CCL28: variants seen among roughly 807,000 people sequenced by gnomAD.
The protein encoded by CCL28 is C-C motif chemokine ligand 28.
In CCL28, 4 loss-of-function variants were observed where a neutral mutation model predicts 7.1. That is an observed-to-expected ratio of 0.56 (90% CI 0.28 to 1.29). The LOEUF (loss-of-function observed/expected upper bound fraction) is 1.29. Among genes scored for constraint, CCL28 ranks in the 50% most tolerant of loss-of-function variants. The pLI, the probability that CCL28 is intolerant of heterozygous loss-of-function variation, is 0.11. For missense variants in CCL28, 151 were observed against 163.4 expected (o/e 0.92, Z 0.41); for synonymous variants, 55 against 57.8 (o/e 0.95, Z 0.22).
intron 1 of CCL28, among the ~76,000 whole-genome samples, chr5:43,394,020 CT>C (rs969277996): frequency 1.4e-4 from 21 of 152,062 alleles, no homozygotes; most frequent in Admixed American, 1.0e-3. Context: ...CTCAGTAATA[CT>C]TTTTTTTCTC....
rs186035152 is a variant in CCL28, at chr5:43,412,363, C to A, written c.-47G>T. On this transcript the variant is annotated 5_prime_UTR_variant, in exon 1 of 3. Transcript: ENST00000361115. Reference sequence around the variant, plus strand: ...TGACAGCAACACAAGTGAGGCTGTTCGATCAGGAAATGAGGCTAAAGGTGT... The same window carrying A: ...TGACAGCAACACAAGTGAGGCTGTTAGATCAGGAAATGAGGCTAAAGGTGT... 1.3e-6 allele frequency: 2 copies of A among 1,560,880 alleles called. No homozygotes were observed. Among genetic ancestry groups the A allele is most frequent in the Admixed American group, 1.7e-5 (1 of 58,774 alleles).
chr5:43,389,911 G>A (rs1175539333), intron 1 of CCL28, among the ~76,000 whole-genome samples: 1 of 152,190 alleles, frequency 6.6e-6, no homozygotes, highest in Non-Finnish European at 1.5e-5. Flanking sequence ...GGGTAGTTCC[G>A]AATAGGGCAA....
At chr5:43,391,767 A>C (rs943665450) in intron 1 of CCL28, among the ~76,000 whole-genome samples, 1 of 152,212 alleles carries the variant, frequency 6.6e-6, no homozygotes, top group Non-Finnish European at 1.5e-5. Context: ...GTGTGAATTA[A>C]TTTAAATAAT....
chr5:43,392,619 G>C (rs1383746601), intron 1 of CCL28, among the ~76,000 whole-genome samples: 1 of 152,194 alleles, frequency 6.6e-6, no homozygotes, highest in Non-Finnish European at 1.5e-5. Flanking sequence ...TGCAGTTGAT[G>C]AGAGTTCCAT....
the CCL28 span, among the ~76,000 whole-genome samples, chr5:43,370,017 T>A: frequency 6.6e-6 from 1 of 152,208 alleles, no homozygotes; most frequent in Non-Finnish European, 1.5e-5. Flanking sequence ...CCCAGCACCC[T>A]GTGGGGCTCA....
the CCL28 span, among the ~76,000 whole-genome samples, chr5:43,369,541 C>G: frequency 6.6e-6 from 1 of 152,190 alleles, no homozygotes; most frequent in Non-Finnish European, 1.5e-5. Flanking sequence ...TCTCCTACCT[C>G]AGCCTCCCAA....
downstream of CCL28, among the ~76,000 whole-genome samples, chr5:43,372,236 G>T (rs376384100): frequency 6.6e-6 from 1 of 152,150 alleles, no homozygotes; most frequent in African/African-American, 2.4e-5. Flanking sequence ...ACTAATACTG[G>T]CTCATTTGTA....
the CCL28 span, among the ~76,000 whole-genome samples, chr5:43,370,158 C>T: frequency 6.6e-6 from 1 of 152,214 alleles, no homozygotes; most frequent in African/African-American, 2.4e-5. Context: ...TCCAACTGAG[C>T]CCCAGCTAAC....
the CCL28 span, among the ~76,000 whole-genome samples, chr5:43,366,078 G>A: frequency 6.6e-6 from 1 of 152,090 alleles, no homozygotes; most frequent in Non-Finnish European, 1.5e-5. Flanking sequence ...CTTTTTTCAA[G>A]GGTCTTAGCT....
intron 1 of CCL28, among the ~76,000 whole-genome samples, chr5:43,406,327 G>T (rs1372888300): frequency 1.0e-3 from 158 of 152,118 alleles, no homozygotes; most frequent in African/African-American, 3.7e-3. Flanking sequence ...TCCCTGGGAT[G>T]CAAGGCTGGT....
intron 1 of CCL28, among the ~76,000 whole-genome samples, chr5:43,390,074 A>G (rs1022582703): frequency 6.6e-6 from 1 of 152,178 alleles, no homozygotes; most frequent in African/African-American, 2.4e-5. Context: ...TGGTGTGTCA[A>G]TTAGGCTGAA....
intron 1 of CCL28, among the ~76,000 whole-genome samples, chr5:43,410,273 T>G (rs1053258260): frequency 5.9e-5 from 9 of 152,178 alleles, no homozygotes; most frequent in African/African-American, 2.2e-4. Context: ...CTGGCTTACA[T>G]GGACACTTGA....
Position 43,379,709 on chromosome 5 carries a change from A to C in CCL28, c.*2151T>G, listed in dbSNP as rs1206911886. On this transcript the variant is annotated 3_prime_UTR_variant, in exon 3 of 3. Coordinates refer to ENST00000361115, the MANE Select transcript of CCL28 (RefSeq NM_148672.3). ...AGGCCCAGGACACCTGCCACCTGAT[A>C]AAGTGGCTCCTGCTCTCTATTGGCT... 1 of 152,246 alleles carries C rather than the reference A, an allele frequency of 6.6e-6. No individual in the cohort carries two copies. The highest frequency in any genetic ancestry group is 1.5e-5 in the Non-Finnish European group (1 of 68,084). 9.4% of individuals were successfully genotyped at this position (152,246 alleles called of 1,614,324 possible).
At chr5:43,368,709 G>A in the CCL28 span, among the ~76,000 whole-genome samples, 262 of 152,202 alleles carry the variant, frequency 1.7e-3, no homozygotes, top group African/African-American at 6.1e-3. Flanking sequence ...ATATAAAGGG[G>A]AATTTTGGAC....
Position 43,388,035 on chromosome 5 carries a change from T to G in CCL28, c.191+315A>C, listed in dbSNP as rs192941672. 204 of 231,518 alleles carry G rather than the reference T, an allele frequency of 8.8e-4. 1 individual carries two copies. The highest frequency in any genetic ancestry group is 4.3e-3 in the Middle Eastern group (3 of 696). 14.3% of individuals were successfully genotyped at this position (231,518 alleles called of 1,614,324 possible). A position where few individuals can be genotyped will look rare whatever the true frequency, so the allele number is the denominator to read the frequency against. On this transcript the variant is annotated intron_variant, in intron 2 of 2. Transcript: ENST00000361115. ...CCATGAAATATAACAGAGTTATCTT[T>G]TGTTTGGGGTTTTGTTTTGCTTGGG... is the stretch of plus-strand genomic sequence containing the variant.
At chr5:43,377,564 CAAGT>C (rs1739930700), downstream of CCL28, 1 of 145,382 alleles carries the variant, frequency 6.9e-6, no homozygotes, top group Non-Finnish European at 1.5e-5. Context: ...AAATGGAAGA[CAAGT>C]ATATTATTGA....
At chr5:43,407,798 G>GA (rs1364258799) in intron 1 of CCL28, among the ~76,000 whole-genome samples, 2 of 151,876 alleles carry the variant, frequency 1.3e-5, no homozygotes, top group Admixed American at 6.6e-5. Flanking sequence ...AAATTTACAA[G>GA]AAAAAATCAA....
intron 1 of CCL28, among the ~76,000 whole-genome samples, chr5:43,399,105 C>G (rs1179232626): frequency 6.6e-6 from 1 of 152,150 alleles, no homozygotes; most frequent in African/African-American, 2.4e-5. Context: ...TCAACAGAGC[C>G]GCAACTGAAG....
chr5:43,366,238 A>G, the CCL28 span, among the ~76,000 whole-genome samples: 2 of 152,178 alleles, frequency 1.3e-5, no homozygotes, highest in African/African-American at 4.8e-5. Flanking sequence ...TTGGAGGAGA[A>G]GAGGCATTTT....
Sources: gnomAD v4.1 joint callset for allele counts (sites outside exome capture counted in the v4.1 genomes callset) on GRCh38, gnomAD v4.1.1 for gene constraint, MANE v1.5 for transcripts, NCBI Gene and HGNC (gene_info 2026-07-23, HGNC 2026-07-21) for gene names.